C12orf42: variants seen among roughly 807,000 people sequenced by gnomAD.
C12orf42 encodes the protein uncharacterized protein C12orf42.
C12orf42 carries 25 observed loss-of-function variants against 21.6 expected under a neutral mutation model. The observed-to-expected ratio is 1.16, with a 90% CI of 0.84 to 1.62. The LOEUF is 1.62. Ranked by LOEUF, C12orf42 falls within the 40% of genes most tolerant of loss-of-function variation. C12orf42 has a pLI of 0.00. For synonymous variants in C12orf42, 174 were observed against 175.0 expected (o/e 0.99, Z 0.05); for missense variants, 483 against 459.3 (o/e 1.05, Z -0.47).
At chr12:103,520,265 T>C in the C12orf42 span, among the ~76,000 whole-genome samples, 290 of 152,252 alleles carry the variant, frequency 1.9e-3, no homozygotes, top group Non-Finnish European at 3.3e-3. Context: ...TTTCATTCTA[T>C]TGGGACCCCA....
At chr12:103,398,756 C>A (rs191520753) in intron 3 of C12orf42, among the ~76,000 whole-genome samples, 7 of 152,176 alleles carry the variant, frequency 4.6e-5, no homozygotes, top group Admixed American at 4.6e-4. Context: ...CTTCCTTTCC[C>A]CATCAGTATC....
At chr12:103,239,616 C>T (rs2033634362) in intron 10 of C12orf42, among the ~76,000 whole-genome samples, 2 of 152,112 alleles carry the variant, frequency 1.3e-5, no homozygotes, top group Admixed American at 6.6e-5. Context: ...TGTATCAGAC[C>T]ATAGGTGGTT....
At chr12:103,350,416 C>T (rs2043009020) in intron 4 of C12orf42, among the ~76,000 whole-genome samples, 1 of 152,122 alleles carries the variant, frequency 6.6e-6, no homozygotes, top group South Asian at 2.1e-4. Context: ...TATCGCAGTG[C>T]TTGTGTTCAA....
chr12:103,484,856 G>T (rs922621824), intron 1 of C12orf42, among the ~76,000 whole-genome samples: 32 of 140,594 alleles, frequency 2.3e-4, no homozygotes, highest in African/African-American at 7.0e-4. Context: ...GAAGGGATCT[G>T]GTTTCAGTTT....
At chr12:103,085,443 C>T in the C12orf42 span, among the ~76,000 whole-genome samples, 7 of 152,044 alleles carry the variant, frequency 4.6e-5, no homozygotes, top group African/African-American at 9.7e-5. Context: ...CTCCAGCACG[C>T]GGGTCATATG....
intron 4 of C12orf42, among the ~76,000 whole-genome samples, chr12:103,311,452 C>T (rs1284440882): frequency 6.6e-6 from 1 of 151,984 alleles, no homozygotes; most frequent in Non-Finnish European, 1.5e-5. Flanking sequence ...TGTCTCAGAT[C>T]CCTGAATGAA....
intron 5 of C12orf42, among the ~76,000 whole-genome samples, chr12:103,303,999 A>G (rs966107455): frequency 3.3e-5 from 5 of 152,228 alleles, no homozygotes; most frequent in Non-Finnish European, 7.3e-5. Context: ...TAGACAGGAT[A>G]TGCTTTCCTA....
intron 3 of C12orf42, among the ~76,000 whole-genome samples, chr12:103,392,554 A>G (rs1434032635): frequency 6.6e-6 from 1 of 152,130 alleles, no homozygotes; most frequent in African/African-American, 2.4e-5. Flanking sequence ...TCTTGGTTAA[A>G]TTTATTCCTA....
intron 2 of C12orf42, among the ~76,000 whole-genome samples, chr12:103,473,685 A>G (rs1168968178): frequency 1.3e-5 from 2 of 152,174 alleles, no homozygotes; most frequent in Non-Finnish European, 2.9e-5. Flanking sequence ...ACAAAACCAC[A>G]TGCATTTTCC....
At chr12:103,330,376 A>G (rs1483894240) in intron 4 of C12orf42, among the ~76,000 whole-genome samples, 1 of 152,196 alleles carries the variant, frequency 6.6e-6, no homozygotes, top group Non-Finnish European at 1.5e-5. Flanking sequence ...AGGGAGTTCC[A>G]TTGGAGGTAC....
the C12orf42 span, among the ~76,000 whole-genome samples, chr12:103,218,792 T>A: frequency 6.6e-6 from 1 of 152,216 alleles, no homozygotes; most frequent in South Asian, 2.1e-4. Context: ...CACAGTAGAT[T>A]GACCTTTCCA....
intron 4 of C12orf42, among the ~76,000 whole-genome samples, chr12:103,322,145 A>ACACACG (rs1555256412): frequency 7.0e-6 from 1 of 142,606 alleles, no homozygotes; most frequent in Non-Finnish European, 1.5e-5. Context: ...ACACACACAC[A>ACACACG]CACACGCACA....
At chr12:103,291,753 A>G (rs1311640245) in intron 4 of C12orf42, among the ~76,000 whole-genome samples, 1 of 152,148 alleles carries the variant, frequency 6.6e-6, no homozygotes, top group Admixed American at 6.6e-5. Flanking sequence ...CCATATTGTA[A>G]TTAGCGTATA....
chr12:103,495,238 C>T (rs977344414), intron 1 of C12orf42, among the ~76,000 whole-genome samples: 1 of 94,446 alleles, frequency 1.1e-5, no homozygotes, highest in Admixed American at 1.3e-4. Context: ...AGAGCTGGAG[C>T]GGGCGGGGAA....
At chr12:103,126,805 C>T in the C12orf42 span, among the ~76,000 whole-genome samples, 3 of 152,004 alleles carry the variant, frequency 2.0e-5, no homozygotes, top group Non-Finnish European at 2.9e-5. Context: ...AACTAAACAA[C>T]TAAAAATAGG....
At chr12:103,076,227 TATA>T in the C12orf42 span, among the ~76,000 whole-genome samples, 1 of 151,520 alleles carries the variant, frequency 6.6e-6, no homozygotes, top group African/African-American at 2.4e-5. Context: ...TAACTTAAAG[TATA>T]ATGATAATAA....
chr12:103,379,863 G>A (rs889659821), intron 3 of C12orf42, among the ~76,000 whole-genome samples: 8 of 152,078 alleles, frequency 5.3e-5, no homozygotes, highest in African/African-American at 9.7e-5. Context: ...GGGTAATATC[G>A]GGAAGCACAG....
chr12:103,404,604 A>T (rs555694170), intron 2 of C12orf42, among the ~76,000 whole-genome samples: 1 of 152,370 alleles, frequency 6.6e-6, no homozygotes, highest in South Asian at 2.1e-4. Context: ...GAAAGCCACA[A>T]GAGTCGCCAC....
chr12:103,085,227 C>A, the C12orf42 span, among the ~76,000 whole-genome samples: 2 of 151,966 alleles, frequency 1.3e-5, no homozygotes, highest in Non-Finnish European at 2.9e-5. Context: ...ATGTTTAGAA[C>A]CCACGAGTTC....
Sources: allele counts gnomAD v4.1 joint callset (sites outside exome capture counted in the v4.1 genomes callset), GRCh38; gene constraint gnomAD v4.1.1; transcripts MANE v1.5; gene names NCBI Gene and HGNC (gene_info 2026-07-23, HGNC 2026-07-21).